GLRA1: variants seen among roughly 807,000 people sequenced by gnomAD.
GLRA1 encodes the protein glycine receptor subunit alpha-1.
Under a neutral mutation model 48.3 loss-of-function variants are expected in GLRA1, and 37 were observed. The observed-to-expected ratio is 0.77, with a 90% CI of 0.59 to 1.01. GLRA1 has a LOEUF of 1.01. Among genes scored for constraint, GLRA1 ranks in the 50% least tolerant of loss-of-function variants. GLRA1 has a pLI of 0.00. For synonymous variants in GLRA1, 196 were observed against 210.7 expected (o/e 0.93, Z 0.60); for missense variants, 427 against 571.0 (o/e 0.75, Z 2.57).
chr5:151,861,639 GACAA>G (rs1186683474), intron 3 of GLRA1, among the ~76,000 whole-genome samples: 1 of 152,220 alleles, frequency 6.6e-6, no homozygotes, highest in African/African-American at 2.4e-5. Context: ...CCCTTTGTCA[GACAA>G]ACAGAGAGCC....
chr5:151,844,036 G>A (rs1752589637), intron 7 of GLRA1, among the ~76,000 whole-genome samples: 1 of 152,072 alleles, frequency 6.6e-6, no homozygotes, highest in Non-Finnish European at 1.5e-5. Flanking sequence ...CAGGTGTGGT[G>A]GTGCATGCCT....
chr5:151,892,407 G>T lies in GLRA1; in HGVS notation c.88C>A (p.Arg30Ser), dbSNP rs369873008. 7 of 1,613,860 alleles carry T rather than the reference G, an allele frequency of 4.3e-6. No individual in the cohort carries two copies. In the African/African-American group the frequency reaches 8.0e-5, roughly 18 times the overall value. Residue 30 changes from arginine to serine, a missense_variant, in exon 2 of 9, where the codon CGC becomes AGC. By Grantham distance (110) the Arg-to-Ser change is moderately radical (BLOSUM62 -1). Around this residue, in one of 4 missense-constraint regions of GLRA1, gnomAD observed 271 missense variants for 434.9 expected, o/e 0.62. Transcript: ENST00000274576. ...LAASKEAEAA[R>S]SAPKPMSPSD... ...GGTGACATAGGCTTGGGTGCGGAGC[G>T]AGCAGCTTCAGCCTCCTTAGAAGCA...
At chr5:151,830,732 C>T (rs758531072) in intron 7 of GLRA1, among the ~76,000 whole-genome samples, 9 of 151,992 alleles carry the variant, frequency 5.9e-5, no homozygotes, top group Admixed American at 5.2e-4. Flanking sequence ...ACAAATAATA[C>T]GAACTTTACG....
Position 151,855,028 on chromosome 5 carries a change from C to T in GLRA1, c.697+12G>A, listed in dbSNP as rs746516121. On this transcript the variant is annotated intron_variant, in intron 6 of 8. Transcript: ENST00000274576. The stretch of plus-strand genomic sequence containing the variant: ...GGGGGTGGGATCTGAGGAGGGTGGC[C>T]CTTGTACCTACCTGTGTTGTAGTGC... 5.0e-6 allele frequency: 8 copies of T among 1,613,772 alleles called. No individual in the cohort carries two copies. Among genetic ancestry groups the T allele is most frequent in the South Asian group, 3.3e-5 (3 of 91,070 alleles).
chr5:151,873,925 A>G (rs1400801770), intron 3 of GLRA1, among the ~76,000 whole-genome samples: 2 of 152,206 alleles, frequency 1.3e-5, no homozygotes, highest in Admixed American at 6.5e-5. Flanking sequence ...CATCAACTAA[A>G]TAGTGAACAT....
At position 151,829,022 on chromosome 5, in the gene GLRA1, G is replaced by T. The variant is rs1235266841; in HGVS notation, c.958C>A (p.Leu320Ile). The T allele has an allele frequency of 1.2e-6, 2 of 1,613,980 alleles. No homozygotes were observed. Among genetic ancestry groups the T allele is most frequent in the Admixed American group, 1.7e-5 (1 of 60,000 alleles). The change falls in exon 8 of 9, where the codon CTC becomes ATC. Residue 320 changes from leucine to isoleucine, a missense_variant. By Grantham distance (5) the Leu-to-Ile change is conservative. Coordinates refer to ENST00000274576, the MANE Select transcript of GLRA1 (RefSeq NM_000171.4). ...TCTAATAGGGCTGAGAACACAAAGAGCAGGCAAACTGCCATCCAAATGTCA... is the reference window on the plus strand; with the variant it reads ...TCTAATAGGGCTGAGAACACAAAGATCAGGCAAACTGCCATCCAAATGTCA... The part of the protein sequence containing the change: ...AIDIWMAVCL[L>I]FVFSALLEYA...
intron 1 of GLRA1, among the ~76,000 whole-genome samples, chr5:151,922,130 A>G (rs1299491542): frequency 6.6e-6 from 1 of 152,202 alleles, no homozygotes; most frequent in Non-Finnish European, 1.5e-5. Context: ...AGCTGGCATC[A>G]TTTATTCTAA....
At chr5:151,898,846 A>T (rs886514503) in intron 1 of GLRA1, among the ~76,000 whole-genome samples, 6 of 152,302 alleles carry the variant, frequency 3.9e-5, no homozygotes, top group Non-Finnish European at 7.4e-5. Context: ...ACACTTGGTG[A>T]GAGGATGAGA....
rs562257170 is a variant in GLRA1 at position 151,850,129 on chromosome 5, A to G, written c.912+1261T>C. The G allele has an allele frequency of 1.2e-4, 185 of 1,604,094 alleles. No individual in the cohort carries two copies. The African/African-American group carries it at 1.3e-3, about 11-fold the overall frequency. ...GGGTACCACTTTGGTTGGCCTTCCA[A>G]TGGCTTCCCAGGACCCCAGGGTCCA... On this transcript the variant is annotated intron_variant, in intron 7 of 8. Coordinates refer to ENST00000274576, the MANE Select transcript of GLRA1 (RefSeq NM_000171.4).
In GLRA1 at chr5:151,862,648, G is replaced by A. The variant is rs1343542160; in HGVS notation, c.253-2640C>T. Among the ~76,000 whole-genome samples, 3 of 152,180 alleles carry A rather than the reference G, an allele frequency of 2.0e-5. No individual in the cohort carries two copies. In the South Asian group the frequency reaches 6.2e-4, roughly 31 times the overall value. ...AATCAATTAGGGAAATGTTAGACCG[G>A]ATGAAATACAATAGGCTTCTTTATT... On this transcript the variant is annotated intron_variant, in intron 3 of 8. Transcript: ENST00000274576.
At chr5:151,909,644 G>A (rs1754559319) in intron 1 of GLRA1, among the ~76,000 whole-genome samples, 1 of 152,182 alleles carries the variant, frequency 6.6e-6, no homozygotes, top group African/African-American at 2.4e-5. Flanking sequence ...GAATTGGTAA[G>A]TTCTGGTCCC....
Position 151,822,768 on chromosome 5 carries a change from A to T in GLRA1, c.1255T>A (p.Ser419Thr). The change falls in exon 9 of 9, where the codon TCC becomes ACC. Residue 419 changes from serine (S) to threonine (T), a missense_variant. By Grantham distance (58) the Ser-to-Thr change is moderately conservative (BLOSUM62 1). Coordinates refer to ENST00000274576, the MANE Select transcript of GLRA1 (RefSeq NM_000171.4). The stretch of plus-strand genomic sequence containing the variant: ...AAGGCCATGGGGAAGCCAATGCGGG[A>T]TATTTTGTCGATCTTCTTGGCCCTC... ...IQRAKKIDKI[S>T]RIGFPMAFLI... is the part of the protein sequence containing the mutation. 2 of 1,613,846 alleles carry T rather than the reference A, an allele frequency of 1.2e-6. No individual in the cohort carries two copies. Among genetic ancestry groups the T allele is most frequent in the African/African-American group, 2.7e-5 (2 of 75,006 alleles).
At chr5:151,891,035 A>G (rs1754054733) in intron 2 of GLRA1, among the ~76,000 whole-genome samples, 1 of 152,166 alleles carries the variant, frequency 6.6e-6, no homozygotes, top group Non-Finnish European at 1.5e-5. Flanking sequence ...AAAGTGAGCA[A>G]ATATTAGGAA....
intron 2 of GLRA1, among the ~76,000 whole-genome samples, chr5:151,890,607 A>G (rs1754040580): frequency 6.6e-6 from 1 of 152,216 alleles, no homozygotes; most frequent in South Asian, 2.1e-4. Flanking sequence ...CTTGTCTTGG[A>G]TGGCCTGGCT....
chr5:151,889,254 AT>A (rs1581647092), intron 2 of GLRA1, among the ~76,000 whole-genome samples: 2 of 152,260 alleles, frequency 1.3e-5, no homozygotes, highest in East Asian at 3.8e-4. Context: ...TAATGTATAT[AT>A]TTCACTAAAT....
At chr5:151,901,097 G>A (rs1561578043) in intron 1 of GLRA1, among the ~76,000 whole-genome samples, 1 of 152,150 alleles carries the variant, frequency 6.6e-6, no homozygotes, top group Non-Finnish European at 1.5e-5. Flanking sequence ...AAAATACAAG[G>A]CAGAAAAATA....
intron 1 of GLRA1, among the ~76,000 whole-genome samples, chr5:151,920,528 TAGGGTC>T (rs1754850095): frequency 1.3e-5 from 2 of 152,174 alleles, no homozygotes; most frequent in African/African-American, 2.4e-5. Flanking sequence ...TTTACCAGCC[TAGGGTC>T]CCTGTCCAAC....
intron 3 of GLRA1, among the ~76,000 whole-genome samples, chr5:151,883,091 A>T (rs1436194023): frequency 6.6e-6 from 1 of 152,068 alleles, no homozygotes; most frequent in Non-Finnish European, 1.5e-5. Flanking sequence ...TGGAAATAGC[A>T]CCTCCTGCCC....
chr5:151,894,281 A>G (rs912636367), intron 1 of GLRA1, among the ~76,000 whole-genome samples: 1 of 152,274 alleles, frequency 6.6e-6, no homozygotes, highest in East Asian at 1.9e-4. Context: ...AGTTGTAACT[A>G]TTTAAGCAAT....
Sources: allele counts gnomAD v4.1 joint callset (sites outside exome capture counted in the v4.1 genomes callset), GRCh38; gene constraint gnomAD v4.1.1; regional missense constraint gnomAD v4.1.1; transcripts MANE v1.5; gene names NCBI Gene and HGNC (gene_info 2026-07-23, HGNC 2026-07-21).